Variants in KIF20B observed in about 807,000 individuals in gnomAD.
The protein encoded by KIF20B is kinesin-like protein KIF20B.
A neutral mutation model predicts 232.5 loss-of-function variants in KIF20B; 188 were observed. The ratio of observed to expected loss-of-function variants is 0.81; its 90% CI spans 0.72 to 0.91. KIF20B has a LOEUF of 0.91. KIF20B is among the 40% of genes least tolerant of loss of function. The pLI, the probability that KIF20B is intolerant of heterozygous loss-of-function variation, is 0.00. For missense variants in KIF20B, 2,154 were observed against 2,055.9 expected (o/e 1.05, Z -0.92); for synonymous variants, 712 against 683.0 (o/e 1.04, Z -0.66).
At chr10:89,752,850 T>C (rs1464056097) in intron 25 of KIF20B, among the ~76,000 whole-genome samples, 159 bp downstream of exon 25, 2 of 152,194 alleles carry the variant, frequency 1.3e-5, no homozygotes, top group East Asian at 3.8e-4. Context: ...TCAGTGCACA[T>C]TGAAATGACA....
chr10:89,708,789 A>G (rs1158749989), intron 2 of KIF20B, among the ~76,000 whole-genome samples: 1 of 152,232 alleles, frequency 6.6e-6, no homozygotes, highest in African/African-American at 2.4e-5. Context: ...TACATAGTAA[A>G]AAAATTCTGA....
rs1015551557 is a variant in KIF20B at position 89,768,329 on chromosome 10, A to G, written c.5029A>G (p.Arg1677Gly). The change falls in exon 30 of 33, where the codon AGA (arginine) becomes GGA (glycine). Residue 1677 changes from arginine (R) to glycine (G), a missense_variant. Coordinates refer to ENST00000371728, the MANE Select transcript of KIF20B (RefSeq NM_001284259.2). ...TGAAAATAAGAAGAATGCTACACCC[A>G]GAACTAATTTGAAATTTCCTATTTC... ...KCENKKNATP[R>G]TNLKFPISDD... is the part of the protein sequence containing the mutation. 1 of 1,592,218 alleles carries G rather than the reference A, an allele frequency of 6.3e-7. No individual in the cohort carries two copies. Among genetic ancestry groups the G allele is most frequent in the African/African-American group, 1.4e-5 (1 of 73,612 alleles).
At chr10:89,747,378 A>G (rs1334956403) in intron 23 of KIF20B, among the ~76,000 whole-genome samples, 1 of 152,054 alleles carries the variant, frequency 6.6e-6, no homozygotes, top group Non-Finnish European at 1.5e-5. Context: ...CAGCCATTCC[A>G]TTACTGGGTG....
chr10:89,747,123 A>C (rs1349849466), intron 23 of KIF20B, among the ~76,000 whole-genome samples: 1 of 151,928 alleles, frequency 6.6e-6, no homozygotes, highest in Non-Finnish European at 1.5e-5. Context: ...CAGCCAAAAA[A>C]CACATGAAAA....
chr10:89,741,306 T>C (rs1194818470), intron 21 of KIF20B, among the ~76,000 whole-genome samples: 3 of 152,186 alleles, frequency 2.0e-5, no homozygotes, highest in Non-Finnish European at 4.4e-5. Flanking sequence ...GGGGAGTGGC[T>C]GTAAATACAG....
Position 89,754,647 on chromosome 10 carries a change from C to CG in KIF20B, c.4478dup (p.Lys1496Ter). On this transcript the variant is annotated frameshift_variant, in exon 26 of 33. Transcript: ENST00000371728. LOFTEE classifies it high-confidence loss of function. The stretch of plus-strand genomic sequence containing the variant: ...GAAAAAATATGCTGAGGACAGGGAG[C>CG]GTTTTTTTAAGCAACAGAATGAAAT... The CG allele has an allele frequency of 1.3e-6, 2 of 1,579,136 alleles. No homozygotes were observed. The highest frequency in any genetic ancestry group is 1.7e-6 in the Non-Finnish European group (2 of 1,165,114).
chr10:89,752,704 G>T lies in KIF20B; in HGVS notation c.4347+13G>T, dbSNP rs755039896. The T allele has an allele frequency of 1.3e-5, 19 of 1,516,020 alleles. No individual in the cohort carries two copies. Among genetic ancestry groups the T allele is most frequent in the Non-Finnish European group, 1.7e-5 (19 of 1,133,478 alleles). The allele number at this position is 1,516,020 out of a possible 1,614,324, so 93.9% of individuals were successfully genotyped here. On this transcript the variant is annotated intron_variant, in intron 25 of 32. Transcript: ENST00000371728. ...AGATGAGTTACAGGTATGACTTTAT[G>T]TATGTTTTTATGTATGAATGTATCT...
intron 32 of KIF20B, 62 bp from the exon 33 acceptor site, chr10:89,773,909 A>G: frequency 9.7e-7 from 1 of 1,028,372 alleles, no homozygotes; most frequent in Non-Finnish European, 1.4e-6. Context: ...CTCATTATAA[A>G]CAAGCTTTTA....
chr10:89,705,933 C>T (rs911833666), intron 2 of KIF20B, among the ~76,000 whole-genome samples: 2 of 152,258 alleles, frequency 1.3e-5, no homozygotes, highest in African/African-American at 4.8e-5. Context: ...GTTTGATGGA[C>T]ATTTAGGTAG....
rs1401759406 is a variant in KIF20B at position 89,737,689 on chromosome 10, C to A, written c.2848C>A (p.Gln950Lys). 1.2e-5 allele frequency: 19 copies of A among 1,612,896 alleles called. No homozygotes were observed. The highest frequency in any genetic ancestry group is 1.6e-5 in the Non-Finnish European group (19 of 1,179,386). The change falls in exon 20 of 33, where the codon CAG becomes AAG. Residue 950 changes from glutamine (Q) to lysine (K), a missense_variant. Coordinates refer to ENST00000371728, the MANE Select transcript of KIF20B (RefSeq NM_001284259.2). ...YDIAIAELHV[Q>K]KSKNQEQEEK... is the part of the protein sequence containing the mutation. Reference sequence around the variant, plus strand: ...TATTGCAATTGCTGAATTACATGTGCAGAAAAGTAAAAATCAAGAACAGGA... The same window carrying A: ...TATTGCAATTGCTGAATTACATGTGAAGAAAAGTAAAAATCAAGAACAGGA...
At chr10:89,716,957 A>G (rs1842947442) in intron 9 of KIF20B, among the ~76,000 whole-genome samples, 2 of 152,302 alleles carry the variant, frequency 1.3e-5, no homozygotes, top group Middle Eastern at 3.4e-3. Context: ...CAAAGGAAAT[A>G]AGTTTAAGCA....
chr10:89,751,445 T>C lies in KIF20B; in HGVS notation c.4196T>C (p.Leu1399Ser), dbSNP rs747085766. The stretch of plus-strand genomic sequence containing the variant: ...CAGGATCAAGTGCTTGAGGCTAAAT[T>C]AGAGGAAGTTGAAAGGCTGGCCACA... ...VEQDQVLEAKLEEVERLATEL... is the reference protein window; with the variant it reads ...VEQDQVLEAKSEEVERLATEL... The change falls in exon 24 of 33, where the codon TTA (leucine) becomes TCA (serine). Residue 1399 changes from leucine to serine, a missense_variant. Transcript: ENST00000371728. The C allele has an allele frequency of 5.0e-6, 8 of 1,607,394 alleles. No individual in the cohort carries two copies. In the South Asian group the frequency reaches 7.9e-5, roughly 16 times the overall value.
chr10:89,748,471 A>G (rs573522164), intron 23 of KIF20B, among the ~76,000 whole-genome samples: 1 of 152,338 alleles, frequency 6.6e-6, no homozygotes, highest in African/African-American at 2.4e-5. Flanking sequence ...TTACTAATCC[A>G]TGTTATTTGT....
At chr10:89,715,213 T>C (rs891724282) in intron 8 of KIF20B, 31 bp downstream of exon 8, 2 of 1,358,364 alleles carry the variant, frequency 1.5e-6, no homozygotes, top group African/African-American at 1.5e-5. Context: ...ATCTTATTGC[T>C]CTGAAGTTCT....
Position 89,755,575 on chromosome 10 carries a change from C to CTTCCCT in KIF20B, c.4503+917_4503+922dup, listed in dbSNP as rs1175212502. 2.0e-4 allele frequency among the ~76,000 whole-genome samples: 30 copies of CTTCCCT among 151,318 alleles called. No homozygotes were observed. In the South Asian group the frequency reaches 6.3e-3, roughly 32 times the overall value. On this transcript the variant is annotated intron_variant, in intron 26 of 32. Coordinates refer to ENST00000371728, the MANE Select transcript of KIF20B (RefSeq NM_001284259.2). ...CCTTCCCCGTGCCCATCCCCTTCCC[C>CTTCCCT]TTCCCTTTCCCTTTCCCTTTTCTTT...
chr10:89,737,507 C>T lies in KIF20B; in HGVS notation c.2666C>T (p.Ala889Val). ...CAAGAAAATAATGAAGGACTGAGAG[C>T]ATTTTTACTCACTATTGAGAATGAA... The part of the protein sequence containing the change: ...VLQENNEGLR[A>V]FLLTIENELK... Residue 889 changes from alanine to valine, a missense_variant, in exon 20 of 33, where the codon GCA becomes GTA. Ala to Val is a moderately conservative substitution (Grantham distance 64). Coordinates refer to ENST00000371728, the MANE Select transcript of KIF20B (RefSeq NM_001284259.2). The T allele has an allele frequency of 6.2e-7, 1 of 1,609,696 alleles. No individual in the cohort carries two copies. The highest frequency in any genetic ancestry group is 2.2e-5 in the East Asian group (1 of 44,756).
chr10:89,729,308 G>A (rs1589862451), intron 18 of KIF20B, 61 bp downstream of exon 18: 1 of 1,354,340 alleles, frequency 7.4e-7, no homozygotes, highest in East Asian at 3.0e-5. Context: ...TGGTTGAAAG[G>A]AAATAATTTA....
chr10:89,721,645 G>A (rs1482493062), intron 13 of KIF20B, among the ~76,000 whole-genome samples: 1 of 152,110 alleles, frequency 6.6e-6, no homozygotes, highest in Non-Finnish European at 1.5e-5. Flanking sequence ...ACTCTGGCCT[G>A]GGTGACAGAG....
At chr10:89,709,490 T>C (rs1260695367) in intron 4 of KIF20B, 29 bp downstream of exon 4, 1 of 1,463,806 alleles carries the variant, frequency 6.8e-7, no homozygotes, top group South Asian at 1.1e-5. Context: ...TGTTTTTTGT[T>C]TTAAAGATAA....
Sources: allele counts gnomAD v4.1 joint callset (sites outside exome capture counted in the v4.1 genomes callset), GRCh38; gene constraint gnomAD v4.1.1; transcripts MANE v1.5; gene names NCBI Gene and HGNC (gene_info 2026-07-23, HGNC 2026-07-21).